Variants in TAOK3 observed in about 807,000 individuals in gnomAD.
TAOK3 encodes serine/threonine-protein kinase TAO3.
A neutral mutation model predicts 120.4 loss-of-function variants in TAOK3; 40 were observed. That is an observed-to-expected ratio of 0.33 (90% CI 0.26 to 0.43). TAOK3 has a LOEUF of 0.43. Among genes scored for constraint, TAOK3 ranks in the 20% least tolerant of loss-of-function variants. TAOK3 has a pLI of 1.00. For missense variants in TAOK3, 821 were observed against 1,112.1 expected, an observed-to-expected ratio of 0.74 and a Z score of 3.72; for synonymous variants, 355 against 387.5, an observed-to-expected ratio of 0.92 and a Z score of 0.99.
rs1251745853 is a variant in TAOK3 at position 118,277,315 on chromosome 12, C to T, written c.-193-10556G>A. ...TGAGTTTAACAGTTACACATTAATT[C>T]CACTTCCATTTCTATTCTTTTCTCA... On this transcript the variant is annotated intron_variant, in intron 1 of 20. Transcript: ENST00000392533. 2.6e-5 allele frequency among the ~76,000 whole-genome samples: 4 copies of T among 151,966 alleles called. 1 individual carries two copies. The highest frequency in any genetic ancestry group is 5.9e-5 in the Non-Finnish European group (4 of 68,004).
At position 118,348,838 on chromosome 12, in the gene TAOK3, A is replaced by T. The variant is rs1469273877; in HGVS notation, c.-194+23810T>A. 6.0e-5 allele frequency among the ~76,000 whole-genome samples: 9 copies of T among 150,952 alleles called. No individual in the cohort carries two copies. In the Admixed American group the frequency reaches 6.0e-4, roughly 10 times the overall value. ...GTTTTTGTGAGGGGGGAGAAAAAAA[A>T]TAATTTCTTTTTTTTTTTTTTTTTT... On this transcript the variant is annotated intron_variant, in intron 1 of 20. Coordinates refer to ENST00000392533, the MANE Select transcript of TAOK3 (RefSeq NM_016281.4).
chr12:118,226,556 C>T (rs2039519109), intron 9 of TAOK3, among the ~76,000 whole-genome samples: 1 of 150,532 alleles, frequency 6.6e-6, no homozygotes, highest in Non-Finnish European at 1.5e-5. Context: ...AAAAAATTTA[C>T]AGACTTGAGA....
chr12:118,199,540 C>T (rs951470055), intron 12 of TAOK3: 31 of 439,372 alleles, frequency 7.1e-5, no homozygotes, highest in Middle Eastern at 1.3e-3. Flanking sequence ...ATCATATTAT[C>T]GTGTTGCTAT....
intron 1 of TAOK3, among the ~76,000 whole-genome samples, chr12:118,325,036 G>A (rs1257325441): frequency 2.6e-5 from 4 of 152,094 alleles, no homozygotes; most frequent in South Asian, 2.1e-4. Flanking sequence ...GTGAGCCACC[G>A]CGCCCGGCCC....
Position 118,368,528 on chromosome 12 carries a change from G to A in TAOK3, c.-194+4120C>T, listed in dbSNP as rs1467079872. ...ATTTTTTTTTAACAGAAAATAGGCC[G>A]GGAGCGGTGGCTCACGCCTGTAATC... On this transcript the variant is annotated intron_variant, in intron 1 of 20. Coordinates refer to ENST00000392533, the MANE Select transcript of TAOK3 (RefSeq NM_016281.4). Among the ~76,000 whole-genome samples the A allele has an allele frequency of 3.4e-5, 5 of 146,614 alleles. No individual in the cohort carries two copies. In the East Asian group the frequency reaches 6.4e-4, roughly 19 times the overall value.
chr12:118,359,069 T>C (rs749352303), intron 1 of TAOK3: 6 of 152,180 alleles, frequency 3.9e-5, no homozygotes, highest in Non-Finnish European at 5.9e-5. Flanking sequence ...AAGAAAAAAC[T>C]GAACTTAAGT....
intron 9 of TAOK3, among the ~76,000 whole-genome samples, chr12:118,228,444 G>A (rs536834655): frequency 2.0e-5 from 3 of 151,982 alleles, no homozygotes; most frequent in Non-Finnish European, 2.9e-5. Flanking sequence ...GAGCCACTGC[G>A]CCTGGCCAGT....
chr12:118,288,932 A>AAAAG (rs1555242859), intron 1 of TAOK3, among the ~76,000 whole-genome samples: 2 of 149,852 alleles, frequency 1.3e-5, no homozygotes, highest in South Asian at 2.1e-4. Context: ...AAAAAAAAAA[A>AAAAG]AAAGAAAGAA....
At chr12:118,214,279 A>G in intron 9 of TAOK3, 169 bp from the exon 10 acceptor site, 1 of 543,852 alleles carries the variant, frequency 1.8e-6, no homozygotes, top group Non-Finnish European at 3.2e-6. Flanking sequence ...ATAGCCATTC[A>G]GAAGAAGCTG....
chr12:118,160,218 C>T lies in TAOK3; in HGVS notation c.2280G>A (p.Glu760=). ...HKTILKTLKD[E]QTRKLAILAE... ...CCAAAATGGCAAGTTTTCTTGTCTG[C>T]TCATCTTTCAGTGTCTTTAAGATTG... The change falls in exon 19 of 21, where the codon GAG becomes GAA. Residue 760 remains glutamate (E), a synonymous_variant. Coordinates refer to ENST00000392533, the MANE Select transcript of TAOK3 (RefSeq NM_016281.4). The surrounding 1 kb of genome is among the most constrained non-coding windows in gnomAD (Gnocchi z 4.2). 1 of 1,614,182 alleles carries T rather than the reference C, an allele frequency of 6.2e-7. No individual in the cohort carries two copies. The highest frequency in any genetic ancestry group is 8.5e-7 in the Non-Finnish European group (1 of 1,180,024).
intron 1 of TAOK3, among the ~76,000 whole-genome samples, chr12:118,350,471 ATACCTAGCACC>A (rs2045087490): frequency 6.6e-6 from 1 of 152,210 alleles, no homozygotes; most frequent in Admixed American, 6.5e-5. Flanking sequence ...ATGTATTGTA[ATACCTAGCACC>A]TAACAAGCAC....
chr12:118,338,651 T>C (rs549988948), intron 1 of TAOK3, among the ~76,000 whole-genome samples: 1 of 151,746 alleles, frequency 6.6e-6, no homozygotes, highest in Non-Finnish European at 1.5e-5. Context: ...CCAGGCGTGG[T>C]GGCCACGCGC....
At chr12:118,291,932 G>A (rs2042499573) in intron 1 of TAOK3, among the ~76,000 whole-genome samples, 1 of 152,060 alleles carries the variant, frequency 6.6e-6, no homozygotes, top group South Asian at 2.1e-4. Flanking sequence ...TCCTGCCTCA[G>A]CCTCCCCAGT....
chr12:118,325,440 A>G (rs894437817), intron 1 of TAOK3, among the ~76,000 whole-genome samples: 1 of 152,166 alleles, frequency 6.6e-6, no homozygotes. Flanking sequence ...ATAATATCTC[A>G]TTGTAGTTTT....
rs117891332 is a variant in TAOK3, at chr12:118,245,892, A to G, written c.121-927T>C. Among the ~76,000 whole-genome samples the G allele has an allele frequency of 5.8e-4, 88 of 152,374 alleles. No individual in the cohort carries two copies. The East Asian group carries it at 0.011, about 19-fold the overall frequency. On this transcript the variant is annotated intron_variant, in intron 3 of 20. Coordinates refer to ENST00000392533, the MANE Select transcript of TAOK3 (RefSeq NM_016281.4). ...AACCAGTTAAATAAATAAATATGAT[A>G]TGACCATATAATAAAATAACCACTT...
intron 1 of TAOK3, among the ~76,000 whole-genome samples, chr12:118,319,090 T>C (rs1423072622): frequency 6.6e-6 from 1 of 152,178 alleles, no homozygotes; most frequent in African/African-American, 2.4e-5. Context: ...ATTGGAGAAA[T>C]ATTGGTCAGA....
At chr12:118,288,424 A>G (rs1033616138) in intron 1 of TAOK3, among the ~76,000 whole-genome samples, 2 of 152,096 alleles carry the variant, frequency 1.3e-5, no homozygotes, top group Non-Finnish European at 2.9e-5. Flanking sequence ...GTGATAAGAA[A>G]TGCCCATATG....
At chr12:118,346,011 C>T (rs2044843111) in intron 1 of TAOK3, among the ~76,000 whole-genome samples, 1 of 152,028 alleles carries the variant, frequency 6.6e-6, no homozygotes, top group African/African-American at 2.4e-5. Flanking sequence ...TATAACTGTC[C>T]TAATTACTAT....
At chr12:118,354,550 G>A (rs566677082) in intron 1 of TAOK3, among the ~76,000 whole-genome samples, 3 of 152,190 alleles carry the variant, frequency 2.0e-5, no homozygotes, top group Middle Eastern at 3.4e-3. Flanking sequence ...GATCACTTGA[G>A]GCCAGACCGG....
Sources: allele counts gnomAD v4.1 joint callset (sites outside exome capture counted in the v4.1 genomes callset), GRCh38; gene constraint gnomAD v4.1.1; non-coding constraint Gnocchi (gnomAD v3.1); transcripts MANE v1.5; gene names NCBI Gene and HGNC (gene_info 2026-07-23, HGNC 2026-07-21).